The following ITPRID1 variants were observed in gnomAD, a reference collection of about 807,000 sequenced individuals.
The protein encoded by ITPRID1 is ITPR interacting domain containing 1.
ITPRID1 carries 96 observed loss-of-function variants against 95.4 expected under a neutral mutation model. That is an observed-to-expected ratio of 1.01 (90% CI 0.85 to 1.19). ITPRID1 has a LOEUF of 1.19. Ranked by LOEUF, ITPRID1 falls within the 50% of genes most tolerant of loss-of-function variation. The pLI, the probability that ITPRID1 is intolerant of heterozygous loss-of-function variation, is 0.00. For synonymous variants in ITPRID1, 510 were observed against 453.6 expected, an observed-to-expected ratio of 1.12 and a Z score of -1.58; for missense variants, 1,339 against 1,252.9, an observed-to-expected ratio of 1.07 and a Z score of -1.04.
At chr7:31,639,913 A>G (rs1168017778) in intron 10 of ITPRID1, among the ~76,000 whole-genome samples, 3 of 152,102 alleles carry the variant, frequency 2.0e-5, no homozygotes, top group Non-Finnish European at 2.9e-5. Context: ...GGTGGTTTCA[A>G]TTGATTGATT....
chr7:31,556,062 G>C (rs566284539), intron 5 of ITPRID1, among the ~76,000 whole-genome samples: 1 of 152,058 alleles, frequency 6.6e-6, no homozygotes, highest in East Asian at 1.9e-4. Flanking sequence ...CTCTTGCCCC[G>C]GTTGTGGTGA....
intron 10 of ITPRID1, among the ~76,000 whole-genome samples, chr7:31,639,368 A>G (rs1226772797): frequency 6.6e-6 from 1 of 151,702 alleles, no homozygotes; most frequent in Non-Finnish European, 1.5e-5. Context: ...GCAGTCTCTA[A>G]TCTGCTATAT....
downstream of ITPRID1, chr7:31,658,470 G>A (rs1791393056): frequency 1.6e-6 from 2 of 1,288,304 alleles, no homozygotes; most frequent in African/African-American, 1.5e-5. Flanking sequence ...TTGTAAAGAG[G>A]TTAGAGTATC....
intron 10 of ITPRID1, among the ~76,000 whole-genome samples, chr7:31,604,338 G>A (rs1786524565): frequency 6.6e-6 from 1 of 152,220 alleles, no homozygotes; most frequent in Non-Finnish European, 1.5e-5. Flanking sequence ...CAGCAAGGGT[G>A]TAACTGAGCT....
chr7:31,614,111 C>A (rs1414074181), intron 10 of ITPRID1, among the ~76,000 whole-genome samples: 1 of 152,134 alleles, frequency 6.6e-6, no homozygotes, highest in Non-Finnish European at 1.5e-5. Context: ...CTTCCCTCTA[C>A]CACACAATGT....
chr7:31,562,668 C>T (rs1289097164), intron 5 of ITPRID1, among the ~76,000 whole-genome samples: 2 of 152,154 alleles, frequency 1.3e-5, no homozygotes, highest in Non-Finnish European at 2.9e-5. Flanking sequence ...CTCTTGTTCT[C>T]CAGAATGTCA....
intron 8 of ITPRID1, among the ~76,000 whole-genome samples, chr7:31,576,720 G>C (rs1785196883): frequency 6.6e-6 from 1 of 152,148 alleles, no homozygotes; most frequent in African/African-American, 2.4e-5. Context: ...ACTGGCTCAT[G>C]AGAGTCAGGG....
chr7:31,521,657 T>C (rs1222109682), intron 1 of ITPRID1, among the ~76,000 whole-genome samples: 1 of 130,254 alleles, frequency 7.7e-6, no homozygotes, highest in Admixed American at 8.0e-5. Context: ...CTTCCTTCCT[T>C]CCTTCCTTCC....
chr7:31,612,361 TG>T (rs1562607369), intron 10 of ITPRID1, among the ~76,000 whole-genome samples: 1 of 152,098 alleles, frequency 6.6e-6, no homozygotes, highest in African/African-American at 2.4e-5. Flanking sequence ...GATTGGCTTT[TG>T]TTTTGTTTTG....
At chr7:31,552,369 TGA>T in intron 2 of ITPRID1, among the ~76,000 whole-genome samples, 2 of 151,236 alleles carry the variant, frequency 1.3e-5, no homozygotes, top group Non-Finnish European at 3.0e-5. Flanking sequence ...CATAAAATTG[TGA>T]CAATTATATT....
chr7:31,516,226 G>T (rs925008766), intron 1 of ITPRID1, among the ~76,000 whole-genome samples: 3 of 152,104 alleles, frequency 2.0e-5, no homozygotes, highest in African/African-American at 7.2e-5. Flanking sequence ...TAATCACCTG[G>T]ATGTCTTATT....
intron 10 of ITPRID1, among the ~76,000 whole-genome samples, chr7:31,616,066 C>CGTTTTCTGTTAAAAGGTCT (rs1787189305): frequency 6.6e-6 from 1 of 152,016 alleles, no homozygotes; most frequent in Admixed American, 6.6e-5. Context: ...ATTCTAATTC[C>CGTTTTCTGTTAAAAGGTCT]GTTTTCTGTT....
At chr7:31,518,720 C>G (rs927462571) in intron 1 of ITPRID1, among the ~76,000 whole-genome samples, 16 of 152,220 alleles carry the variant, frequency 1.1e-4, no homozygotes, top group African/African-American at 3.9e-4. Context: ...AACAAGGTCT[C>G]AGGAAATAAT....
At chr7:31,535,085 C>A (rs1783717229) in intron 1 of ITPRID1, among the ~76,000 whole-genome samples, 1 of 152,004 alleles carries the variant, frequency 6.6e-6, no homozygotes, top group Non-Finnish European at 1.5e-5. Context: ...GCTAATGCAA[C>A]CAAGGAACTG....
At chr7:31,631,212 G>GT (rs1395044043) in intron 10 of ITPRID1, among the ~76,000 whole-genome samples, 2 of 152,220 alleles carry the variant, frequency 1.3e-5, no homozygotes, top group South Asian at 2.1e-4. Context: ...CCTATCAATT[G>GT]TTTTTTACAG....
At chr7:31,611,152 A>T (rs1786849918) in intron 10 of ITPRID1, among the ~76,000 whole-genome samples, 1 of 151,344 alleles carries the variant, frequency 6.6e-6, no homozygotes, top group Non-Finnish European at 1.5e-5. Context: ...TGCCCTGGGA[A>T]TTCCAATATC....
chr7:31,627,751 T>TA lies in ITPRID1; in HGVS notation c.1229-14425_1229-14424insA, dbSNP rs200608392. ...AATGGAAAGCAGTGTCTCAGTCCTCTGCACATCTTTCTTTTAAGCTTGGGT... is the reference window on the plus strand; with the variant it reads ...AATGGAAAGCAGTGTCTCAGTCCTCTAGCACATCTTTCTTTTAAGCTTGGGT... On this transcript the variant is annotated intron_variant, in intron 10 of 14. Coordinates refer to ENST00000615280, the MANE Select transcript of ITPRID1 (RefSeq NM_001257967.3). 5.7e-3 allele frequency among the ~76,000 whole-genome samples: 871 copies of TA among 151,924 alleles called. 8 individuals are homozygous for TA. The highest frequency in any genetic ancestry group is 0.019 in the African/African-American group (804 of 41,472).
chr7:31,607,181 C>T (rs1786662569), intron 10 of ITPRID1, among the ~76,000 whole-genome samples: 2 of 152,120 alleles, frequency 1.3e-5, no homozygotes, highest in African/African-American at 4.8e-5. Context: ...TGTGCTTTCC[C>T]ACCTGCAAGA....
intron 9 of ITPRID1, among the ~76,000 whole-genome samples, chr7:31,580,821 CTT>C (rs1312807583): frequency 6.6e-6 from 1 of 152,070 alleles, no homozygotes; most frequent in African/African-American, 2.4e-5. Context: ...TCATAGTCGT[CTT>C]TGTTTATGGT....
Sources: allele counts gnomAD v4.1 joint callset (sites outside exome capture counted in the v4.1 genomes callset), GRCh38; gene constraint gnomAD v4.1.1; transcripts MANE v1.5; gene names NCBI Gene and HGNC (gene_info 2026-07-23, HGNC 2026-07-21).